USP43: variants seen among roughly 807,000 people sequenced by gnomAD.
USP43 encodes the protein ubiquitin specific peptidase 43.
A neutral mutation model predicts 90.7 loss-of-function variants in USP43; 33 were observed. The ratio of observed to expected loss-of-function variants is 0.36; its 90% confidence interval spans 0.28 to 0.49. USP43 has a LOEUF of 0.49. USP43 is among the 20% of genes least tolerant of loss of function. The probability of loss-of-function intolerance (pLI) is 0.98; values close to 1 mark genes in which losing one functional copy is unlikely to be tolerated. For missense variants in USP43, 1,274 were observed against 1,476.4 expected (o/e 0.86, Z 2.25); for synonymous variants, 598 against 615.8 (o/e 0.97, Z 0.43).
In USP43 at chr17:9,701,161, C is replaced by A; in HGVS notation, c.1578C>A (p.Asp526Glu). The A allele has an allele frequency of 6.6e-7, 1 of 1,525,122 alleles. No individual in the cohort carries two copies. The highest frequency in any genetic ancestry group is 8.8e-7 in the Non-Finnish European group (1 of 1,134,108). 94.5% of individuals were successfully genotyped at this position (1,525,122 alleles called of 1,614,324 possible). ...SLQEERAQDA[D>E]SVWQQQQAHQ... ...AGGAGGAGCGAGCGCAGGATGCCGA[C>A]AGTGTGTGGCAGCAGCAGCAGGCGC... The change falls in exon 11 of 15, where the codon GAC becomes GAA. Residue 526 changes from aspartate (D) to glutamate (E), a missense_variant. Coordinates refer to ENST00000285199, the MANE Select transcript of USP43 (RefSeq NM_153210.5). The surrounding 1 kb of genome is among the most constrained non-coding windows in gnomAD (Gnocchi z 7.2).
chr17:9,666,807 C>G (rs1188840161), intron 3 of USP43, 56 bp downstream of exon 3: 1 of 1,387,010 alleles, frequency 7.2e-7, no homozygotes, highest in African/African-American at 1.4e-5. Context: ...GACTCAATTC[C>G]TGGTAACCAG....
rs1914259345 is a variant in USP43 at position 9,681,465 on chromosome 17, TATATATATATATATATATATATATA to T, written c.1105+1100_1105+1124del. ...AGATAAATATATATAAAATATATTA[TATATATATATATATATATATATATA>T]TATATATATATATATATATTTGAGA... On this transcript the variant is annotated intron_variant, in intron 6 of 14. Coordinates refer to ENST00000285199, the MANE Select transcript of USP43 (RefSeq NM_153210.5). Among the ~76,000 whole-genome samples the T allele has an allele frequency of 4.2e-4, 31 of 73,012 alleles. 2 individuals carry two copies. In the South Asian group the frequency reaches 8.5e-3, roughly 20 times the overall value. 47.9% of individuals were successfully genotyped at this position (73,012 alleles called of 152,430 possible).
At chr17:9,690,418 T>C (rs929651639) in intron 8 of USP43, among the ~76,000 whole-genome samples, 2 of 152,156 alleles carry the variant, frequency 1.3e-5, no homozygotes, top group African/African-American at 4.8e-5. Flanking sequence ...TTTTAAAAAA[T>C]TTTGGTAAAA....
At chr17:9,687,876 C>T (rs906072047) in intron 8 of USP43, among the ~76,000 whole-genome samples, 1 of 152,122 alleles carries the variant, frequency 6.6e-6, no homozygotes, top group Middle Eastern at 3.2e-3. Context: ...ACCAAAGTGC[C>T]CAAATTAGAA....
At chr17:9,672,468 G>C (rs1046697190) in intron 3 of USP43, among the ~76,000 whole-genome samples, 2 of 152,168 alleles carry the variant, frequency 1.3e-5, no homozygotes, top group Non-Finnish European at 2.9e-5. Flanking sequence ...GTTTTGGTAG[G>C]CTGAAAAGCA....
intron 9 of USP43, among the ~76,000 whole-genome samples, chr17:9,697,240 A>T (rs1431254601): frequency 6.6e-6 from 1 of 152,054 alleles, no homozygotes; most frequent in Non-Finnish European, 1.5e-5. Context: ...TAAATAAATA[A>T]AATAAAAAAG....
At chr17:9,714,487 C>T (rs1487949837) in intron 14 of USP43, among the ~76,000 whole-genome samples, 1 of 151,520 alleles carries the variant, frequency 6.6e-6, no homozygotes, top group Non-Finnish European at 1.5e-5. Context: ...CGAGACCAGC[C>T]TGACCAACAT....
At chr17:9,666,987 G>A (rs1461042853) in intron 3 of USP43, among the ~76,000 whole-genome samples, 3 of 152,098 alleles carry the variant, frequency 2.0e-5, no homozygotes, top group Admixed American at 2.0e-4. Context: ...CTTGAAGGAG[G>A]GGTGATAAGA....
chr17:9,727,601 C>T (rs1157877801), intron 14 of USP43, among the ~76,000 whole-genome samples: 4 of 151,958 alleles, frequency 2.6e-5, no homozygotes, highest in Non-Finnish European at 5.9e-5. Context: ...GGAACTTTTG[C>T]TGGGCATTCC....
chr17:9,666,153 G>A (rs967207703), intron 2 of USP43, among the ~76,000 whole-genome samples: 6 of 152,144 alleles, frequency 3.9e-5, no homozygotes, highest in South Asian at 2.1e-4. Context: ...ATTGAAAAAC[G>A]AAAAGCCTCA....
chr17:9,645,298 G>T (rs558801404), upstream of USP43: 27 of 187,958 alleles, frequency 1.4e-4, no homozygotes, highest in Middle Eastern at 2.0e-3. This position sits in a 1 kb window ranked among gnomAD's most constrained non-coding sequence, Gnocchi z 6.8. Flanking sequence ...AAGGCTGCTC[G>T]AGGAACAGGA....
At chr17:9,703,670 C>G (rs1915706019) in intron 12 of USP43, among the ~76,000 whole-genome samples, 1 of 152,200 alleles carries the variant, frequency 6.6e-6, no homozygotes, top group Admixed American at 6.5e-5. Context: ...GCAGCCAACA[C>G]AGCCCTGGGT....
At chr17:9,671,747 C>T (rs140032638) in intron 3 of USP43, among the ~76,000 whole-genome samples, 364 of 152,196 alleles carry the variant, frequency 2.4e-3, no homozygotes, top group African/African-American at 8.2e-3. Context: ...ACTTGTGAGA[C>T]AACAGGGCAG....
chr17:9,685,611 C>T (rs1185149462), intron 7 of USP43, among the ~76,000 whole-genome samples: 3 of 152,140 alleles, frequency 2.0e-5, no homozygotes, highest in Non-Finnish European at 4.4e-5. Flanking sequence ...TGCAGTGTCT[C>T]CATTTGTTAC....
At chr17:9,682,515 A>C (rs1239019365) in intron 6 of USP43, among the ~76,000 whole-genome samples, 1 of 152,222 alleles carries the variant, frequency 6.6e-6, no homozygotes, top group African/African-American at 2.4e-5. Context: ...GTTTGCAGTG[A>C]GCCAAGATTG....
chr17:9,714,080 G>A (rs1916353339), intron 14 of USP43, among the ~76,000 whole-genome samples: 1 of 152,170 alleles, frequency 6.6e-6, no homozygotes, highest in African/African-American at 2.4e-5. Flanking sequence ...TAGGCTTTGT[G>A]TTCCTATGAG....
At chr17:9,666,110 T>C (rs1348243094) in intron 2 of USP43, among the ~76,000 whole-genome samples, 2 of 152,192 alleles carry the variant, frequency 1.3e-5, no homozygotes, top group African/African-American at 2.4e-5. Flanking sequence ...ACAGCAGGAC[T>C]GATGGACAGA....
chr17:9,681,359 AAAAT>A (rs1001622416), intron 6 of USP43, among the ~76,000 whole-genome samples: 26 of 117,810 alleles, frequency 2.2e-4, no homozygotes, highest in Non-Finnish European at 3.0e-4. Flanking sequence ...TAAAATAAAT[AAAAT>A]AAATAAATAT....
intron 3 of USP43, among the ~76,000 whole-genome samples, chr17:9,670,121 C>A (rs562369468): frequency 5.3e-5 from 8 of 151,674 alleles, no homozygotes; most frequent in Admixed American, 5.3e-4. Flanking sequence ...TCACTGCAAC[C>A]TCTGCTTCCC....
Sources: allele counts gnomAD v4.1 joint callset (sites outside exome capture counted in the v4.1 genomes callset), GRCh38; gene constraint gnomAD v4.1.1; non-coding constraint Gnocchi (gnomAD v3.1); transcripts MANE v1.5; gene names NCBI Gene and HGNC (gene_info 2026-07-23, HGNC 2026-07-21).